The following FYB2 variants were observed in gnomAD, a reference collection of about 807,000 sequenced individuals.
FYB2 encodes the protein FYN binding protein 2.
In FYB2, 103 loss-of-function variants were observed where a neutral mutation model predicts 94.1. The observed-to-expected ratio is 1.09, with a 90% CI of 0.93 to 1.29. The LOEUF is 1.29. Ranked by LOEUF, FYB2 falls within the 50% of genes most tolerant of loss-of-function variation. The pLI is 0.00. For missense variants in FYB2, 896 were observed against 841.5 expected, an observed-to-expected ratio of 1.06 and a Z score of -0.80; for synonymous variants, 293 against 287.9, an observed-to-expected ratio of 1.02 and a Z score of -0.18.
the FYB2 span, among the ~76,000 whole-genome samples, chr1:56,826,027 C>A: frequency 6.6e-6 from 1 of 152,226 alleles, no homozygotes; most frequent in Non-Finnish European, 1.5e-5. Context: ...GTTCAGTGAG[C>A]ATGCCTGCTA....
rs190866600 is a variant in FYB2, at chr1:56,817,263, C to T, written c.9+2019G>A. On this transcript the variant is annotated intron_variant, in intron 1 of 19. Transcript: ENST00000343433. ...AGTCATTCCTTGAAACACCCACGAC[C>T]TTCTGCCTCAGGGCGTTTATATCTG... Among the ~76,000 whole-genome samples the T allele has an allele frequency of 5.9e-5, 9 of 152,330 alleles. No homozygotes were observed. In the East Asian group the frequency reaches 1.7e-3, roughly 29 times the overall value.
At chr1:56,817,538 G>A (rs1355423770) in intron 1 of FYB2, among the ~76,000 whole-genome samples, 1 of 152,066 alleles carries the variant, frequency 6.6e-6, no homozygotes, top group Non-Finnish European at 1.5e-5. Flanking sequence ...TAGAATATGA[G>A]GTTTAGGAAG....
At chr1:56,776,953 G>GATATCAGATAACTTTC (rs1570111199) in intron 4 of FYB2, among the ~76,000 whole-genome samples, 1 of 14,438 alleles carries the variant, frequency 6.9e-5, no homozygotes, top group Non-Finnish European at 1.1e-4. Flanking sequence ...GAAGGCCCAG[G>GATATCAGATAACTTTC]CCGGGCGCGG....
Position 56,788,979 on chromosome 1 carries a change from C to A in FYB2, c.913G>T (p.Gly305Trp). The A allele has an allele frequency of 6.2e-7, 1 of 1,614,034 alleles. No individual in the cohort carries two copies. Among genetic ancestry groups the A allele is most frequent in the African/African-American group, 1.3e-5 (1 of 75,006 alleles). Residue 305 changes from glycine to tryptophan, a missense_variant, in exon 3 of 20, where the codon GGG becomes TGG. Gly to Trp is a radical substitution (Grantham distance 184). Transcript: ENST00000343433. ...GCCCTGTGCATTTCCTTACCTTCCC[C>A]CTGAGTCTTGGGAACAGCAGCTGGC... ...RQPAAVPKTQ[G>W]EVTVEEGSLS...
intron 6 of FYB2, among the ~76,000 whole-genome samples, chr1:56,756,381 A>T (rs1645331646): frequency 6.6e-6 from 1 of 152,068 alleles, no homozygotes; most frequent in South Asian, 2.1e-4. Flanking sequence ...CAGGATCTAG[A>T]TTTGGCTCCA....
intron 5 of FYB2, among the ~76,000 whole-genome samples, chr1:56,767,068 T>C (rs565507619): frequency 1.4e-3 from 217 of 152,314 alleles, no homozygotes; most frequent in African/African-American, 4.8e-3. Flanking sequence ...TTAGGGGTGA[T>C]CAAACCACTC....
chr1:56,720,224 T>C lies in FYB2; in HGVS notation c.2080A>G (p.Ile694Val), dbSNP rs531185433. Residue 694 changes from isoleucine to valine, a missense_variant, in exon 18 of 20, where the codon ATT (isoleucine) becomes GTT (valine). By Grantham distance (29) the Ile-to-Val change is conservative. Transcript: ENST00000343433. ...ACTAGATTTTGTTCGGTGGTATCAATGACTTCCAATTCTTCTCCAGGACTT... is the reference window on the plus strand; with the variant it reads ...ACTAGATTTTGTTCGGTGGTATCAACGACTTCCAATTCTTCTCCAGGACTT... ...PISPGEELEV[I>V]DTTEQNLVIC... 19 of 1,612,310 alleles carry C rather than the reference T, an allele frequency of 1.2e-5. No homozygotes were observed. Among genetic ancestry groups the C allele is most frequent in the Non-Finnish European group, 1.6e-5 (19 of 1,179,080 alleles).
At chr1:56,797,742 T>A (rs1646432618) in intron 1 of FYB2, among the ~76,000 whole-genome samples, 1 of 152,178 alleles carries the variant, frequency 6.6e-6, no homozygotes, top group Non-Finnish European at 1.5e-5. Flanking sequence ...ATTCCTAAAA[T>A]AATTTCTTGT....
chr1:56,807,374 A>G (rs77962384), intron 1 of FYB2, among the ~76,000 whole-genome samples: 2,863 of 152,270 alleles, frequency 0.019, 57 homozygotes, highest in Non-Finnish European at 0.03. Flanking sequence ...AAGAAACAGT[A>G]AAAGAAATCA....
At chr1:56,732,240 A>G (rs1644727491) in intron 15 of FYB2, among the ~76,000 whole-genome samples, 3 of 152,202 alleles carry the variant, frequency 2.0e-5, no homozygotes, top group Admixed American at 6.6e-5. Flanking sequence ...AATAGCTGCA[A>G]AAAACAAAAA....
chr1:56,728,493 C>T (rs1477746269), intron 15 of FYB2, among the ~76,000 whole-genome samples: 2 of 151,950 alleles, frequency 1.3e-5, no homozygotes, highest in African/African-American at 4.8e-5. Context: ...GAAAACAGAC[C>T]ATTACAATTC....
At position 56,745,051 on chromosome 1, in the gene FYB2, G is replaced by A. The variant is rs76184646; in HGVS notation, c.1388-785C>T. ...CTGACAAGAAGTCAGTGAGCGTGTA[G>A]GCCCCAAACCATCTCAATGAATGTC... On this transcript the variant is annotated intron_variant, in intron 9 of 19. Transcript: ENST00000343433. Among the ~76,000 whole-genome samples the A allele has an allele frequency of 4.8e-3, 737 of 152,080 alleles. 33 individuals are homozygous for A. The East Asian group carries it at 0.11, about 23-fold the overall frequency.
intron 4 of FYB2, among the ~76,000 whole-genome samples, chr1:56,778,435 T>C (rs753972807): frequency 6.6e-6 from 1 of 152,198 alleles, no homozygotes; most frequent in African/African-American, 2.4e-5. Context: ...CATTGTAGGC[T>C]CCCAGTTAGC....
intron 14 of FYB2, chr1:56,737,436 T>C (rs1644853321): frequency 4.0e-6 from 1 of 248,038 alleles, no homozygotes; most frequent in African/African-American, 2.3e-5. Context: ...AAAATATGAG[T>C]TGCTCAAAGA....
chr1:56,783,874 T>C (rs1211969698), intron 4 of FYB2, among the ~76,000 whole-genome samples: 1 of 152,188 alleles, frequency 6.6e-6, no homozygotes, highest in Non-Finnish European at 1.5e-5. Context: ...AATGAATTTT[T>C]GAAGAGACTA....
Position 56,792,820 on chromosome 1 carries a change from TCAAA to T in FYB2, c.10-21_10-18del, listed in dbSNP as rs773346006. Reference sequence around the variant, plus strand: ...TACCCCTTCCTAAGGCAAAGAATAATCAAACAAACAAACAAAAACAAAAACAAAC... The same window carrying T: ...TACCCCTTCCTAAGGCAAAGAATAATCAAACAAACAAAAACAAAAACAAAC... On this transcript the variant is annotated intron_variant, in intron 1 of 19. Transcript: ENST00000343433. 6.3e-4 allele frequency: 995 copies of T among 1,573,332 alleles called. 1 individual carries two copies. Among genetic ancestry groups the T allele is most frequent in the Non-Finnish European group, 7.7e-4 (893 of 1,163,278 alleles).
chr1:56,737,365 A>C, intron 14 of FYB2: 1 of 418,776 alleles, frequency 2.4e-6, no homozygotes, highest in East Asian at 4.3e-5. Flanking sequence ...AAAAAGTGTG[A>C]TGTCCCAGTA....
intron 4 of FYB2, among the ~76,000 whole-genome samples, chr1:56,779,525 C>A (rs937097045): frequency 2.0e-5 from 3 of 152,126 alleles, no homozygotes; most frequent in African/African-American, 4.8e-5. Flanking sequence ...AATTAGTTAG[C>A]TTTAATATTC....
intron 15 of FYB2, among the ~76,000 whole-genome samples, chr1:56,726,950 GT>G (rs5774301): frequency 0.29 from 37,139 of 128,112 alleles, 4,839 homozygotes; most frequent in East Asian, 0.58. Flanking sequence ...GTTTTGTTTT[GT>G]TTTTTTTTTT....
Sources: allele counts gnomAD v4.1 joint callset (sites outside exome capture counted in the v4.1 genomes callset), GRCh38; gene constraint gnomAD v4.1.1; transcripts MANE v1.5; gene names NCBI Gene and HGNC (gene_info 2026-07-23, HGNC 2026-07-21).